The following BMPR1B variants were observed in gnomAD, a reference collection of about 807,000 sequenced individuals.
BMPR1B encodes bone morphogenetic protein receptor type-1B.
Under a neutral mutation model 59.1 loss-of-function variants are expected in BMPR1B, and 12 were observed. The observed-to-expected ratio is 0.20, with a 90% CI of 0.13 to 0.33. The LOEUF is 0.33. Ranked by LOEUF, BMPR1B falls within the 10% of genes least tolerant of loss-of-function variation. The pLI, the probability that BMPR1B is intolerant of heterozygous loss-of-function variation, is 1.00. For missense variants in BMPR1B, 550 were observed against 610.9 expected (o/e 0.90, Z 1.05); for synonymous variants, 237 against 207.3 (o/e 1.14, Z -1.23).
chr4:95,117,326 C>T (rs1732143402), intron 6 of BMPR1B, among the ~76,000 whole-genome samples: 1 of 152,128 alleles, frequency 6.6e-6, no homozygotes, highest in Non-Finnish European at 1.5e-5. Context: ...AAACACAGCA[C>T]CGGAAAGTTT....
At chr4:95,004,161 A>T (rs1455010851) in intron 3 of BMPR1B, among the ~76,000 whole-genome samples, 2 of 152,200 alleles carry the variant, frequency 1.3e-5, no homozygotes, top group Non-Finnish European at 2.9e-5. Context: ...GTGAAAGTTT[A>T]TAAAAAGACA....
intron 1 of BMPR1B, among the ~76,000 whole-genome samples, chr4:94,791,060 T>C (rs1350112408): frequency 6.6e-6 from 1 of 152,190 alleles, no homozygotes; most frequent in African/African-American, 2.4e-5. Context: ...TGATCTCAGC[T>C]CACTGCAACC....
intron 3 of BMPR1B, among the ~76,000 whole-genome samples, chr4:95,013,312 G>A (rs1723353141): frequency 6.6e-6 from 1 of 152,084 alleles, no homozygotes. Context: ...TTCTTCAACT[G>A]ATGTTATTTT....
At chr4:94,907,532 A>G (rs928800281) in intron 2 of BMPR1B, among the ~76,000 whole-genome samples, 3 of 151,920 alleles carry the variant, frequency 2.0e-5, no homozygotes, top group Non-Finnish European at 4.4e-5. Flanking sequence ...TCTCTTCTCC[A>G]TTCCCCTTTT....
intron 3 of BMPR1B, among the ~76,000 whole-genome samples, chr4:94,999,564 A>T (rs1454056802): frequency 6.6e-6 from 1 of 152,170 alleles, no homozygotes; most frequent in Admixed American, 6.6e-5. Flanking sequence ...AATGCTGTTT[A>T]TGTAATTAAT....
chr4:94,935,059 A>C (rs180959927), intron 2 of BMPR1B, among the ~76,000 whole-genome samples: 3 of 152,292 alleles, frequency 2.0e-5, no homozygotes, highest in African/African-American at 7.2e-5. Context: ...AACTGTTTGC[A>C]TTATGAATTC....
At chr4:95,096,239 T>A (rs1048450501) in intron 3 of BMPR1B, among the ~76,000 whole-genome samples, 1 of 151,810 alleles carries the variant, frequency 6.6e-6, no homozygotes, top group African/African-American at 2.4e-5. Context: ...TAACTCTACC[T>A]TATTTCCTAC....
At chr4:94,769,446 A>G (rs959807602) in intron 1 of BMPR1B, among the ~76,000 whole-genome samples, 2 of 152,168 alleles carry the variant, frequency 1.3e-5, no homozygotes, top group African/African-American at 4.8e-5. Flanking sequence ...CCCTGTCTCT[A>G]CTAAAAATAC....
chr4:95,064,050 T>G (rs1727615255), intron 3 of BMPR1B, among the ~76,000 whole-genome samples: 1 of 152,076 alleles, frequency 6.6e-6, no homozygotes, highest in South Asian at 2.1e-4. Context: ...AGTATAATAG[T>G]TTCAACCATT....
intron 1 of BMPR1B, among the ~76,000 whole-genome samples, chr4:94,863,884 A>T (rs1269082137): frequency 6.6e-6 from 1 of 152,246 alleles, no homozygotes; most frequent in Non-Finnish European, 1.5e-5. Flanking sequence ...ATGCCAGTAG[A>T]TATTTTATAC....
intron 2 of BMPR1B, among the ~76,000 whole-genome samples, chr4:94,962,000 T>C (rs1260399840): frequency 6.6e-6 from 1 of 152,140 alleles, no homozygotes; most frequent in Non-Finnish European, 1.5e-5. Context: ...TTCTTAACTA[T>C]AGTCACCTTA....
At chr4:94,856,797 G>T (rs1334788117) in intron 1 of BMPR1B, among the ~76,000 whole-genome samples, 2 of 152,218 alleles carry the variant, frequency 1.3e-5, no homozygotes, top group African/African-American at 4.8e-5. Flanking sequence ...ACTATGCCAG[G>T]TGAGGGCCTA....
At chr4:94,912,675 T>C (rs1426614786) in intron 2 of BMPR1B, among the ~76,000 whole-genome samples, 1 of 152,114 alleles carries the variant, frequency 6.6e-6, no homozygotes, top group Non-Finnish European at 1.5e-5. Flanking sequence ...GCCAGCTGCC[T>C]CTGTAGCCAA....
At chr4:94,950,057 T>A (rs1206383937) in intron 2 of BMPR1B, among the ~76,000 whole-genome samples, 1 of 152,258 alleles carries the variant, frequency 6.6e-6, no homozygotes, top group East Asian at 1.9e-4. Context: ...ATGAGCTTTT[T>A]TTCATGTGTT....
chr4:94,906,150 C>A (rs1417180367), intron 2 of BMPR1B, among the ~76,000 whole-genome samples: 1 of 151,726 alleles, frequency 6.6e-6, no homozygotes, highest in Non-Finnish European at 1.5e-5. Flanking sequence ...CTACTTTTTC[C>A]TGGCTGCTAA....
chr4:94,996,869 C>A (rs1433848702), intron 3 of BMPR1B, among the ~76,000 whole-genome samples: 1 of 152,162 alleles, frequency 6.6e-6, no homozygotes, highest in Non-Finnish European at 1.5e-5. Flanking sequence ...ACAGGTAGCA[C>A]TTTAAATATG....
intron 1 of BMPR1B, among the ~76,000 whole-genome samples, chr4:94,795,130 C>T (rs1463585313): frequency 6.9e-6 from 1 of 144,548 alleles, no homozygotes; most frequent in Non-Finnish European, 1.5e-5. Flanking sequence ...AGTTTTTGCC[C>T]ATTGAGTATG....
At chr4:94,763,256 C>CCT (rs1721846850) in intron 1 of BMPR1B, among the ~76,000 whole-genome samples, 1 of 152,166 alleles carries the variant, frequency 6.6e-6, no homozygotes, top group Admixed American at 6.5e-5. Flanking sequence ...TTCCTCTAAC[C>CCT]CTCAGCTTTG....
intron 1 of BMPR1B, among the ~76,000 whole-genome samples, chr4:94,771,797 G>T (rs1452961075): frequency 6.6e-6 from 1 of 152,160 alleles, no homozygotes; most frequent in Non-Finnish European, 1.5e-5. Context: ...TGAGGAACTA[G>T]ATAGCCCAGG....
Sources: allele counts gnomAD v4.1 joint callset (sites outside exome capture counted in the v4.1 genomes callset), GRCh38; gene constraint gnomAD v4.1.1; transcripts MANE v1.5; gene names NCBI Gene and HGNC (gene_info 2026-07-23, HGNC 2026-07-21).